CDK19: variants seen among roughly 807,000 people sequenced by gnomAD.
CDK19 encodes cyclin dependent kinase 19, also known as cyclin-dependent kinase 19.
CDK19 carries 20 observed loss-of-function variants against 68.3 expected under a neutral mutation model. The ratio of observed to expected loss-of-function variants is 0.29; its 90% CI spans 0.21 to 0.43. CDK19 has a LOEUF of 0.43. Ranked by LOEUF, CDK19 falls within the 20% of genes least tolerant of loss-of-function variation. The probability of loss-of-function intolerance (pLI) is 1.00; values close to 1 mark genes in which losing one functional copy is unlikely to be tolerated. For missense variants in CDK19, 339 were observed against 623.5 expected (o/e 0.54, Z 4.86); for synonymous variants, 221 against 222.8 (o/e 0.99, Z 0.07).
intron 1 of CDK19, among the ~76,000 whole-genome samples, chr6:110,784,128 C>T (rs1781023963): frequency 7.8e-6 from 1 of 129,018 alleles, no homozygotes; most frequent in South Asian, 2.6e-4. Flanking sequence ...CACTGCATTC[C>T]AGCTTGAGTG....
At chr6:110,762,547 T>C (rs554830195) in intron 1 of CDK19, among the ~76,000 whole-genome samples, 2 of 152,352 alleles carry the variant, frequency 1.3e-5, no homozygotes, top group African/African-American at 2.4e-5. Flanking sequence ...TATACCTTCA[T>C]ATTATCGTTT....
chr6:110,697,877 T>C (rs1016505819), intron 2 of CDK19, among the ~76,000 whole-genome samples: 1 of 152,130 alleles, frequency 6.6e-6, no homozygotes, highest in Non-Finnish European at 1.5e-5. Flanking sequence ...TACAGTCAAC[T>C]GATCTTCGAC....
At chr6:110,655,222 C>T (rs1428389074) in intron 4 of CDK19, among the ~76,000 whole-genome samples, 2 of 151,534 alleles carry the variant, frequency 1.3e-5, no homozygotes, top group Non-Finnish European at 2.9e-5. Context: ...AAAAATCAGT[C>T]GGGCATGGTG....
intron 1 of CDK19, among the ~76,000 whole-genome samples, chr6:110,793,316 C>A (rs914041730): frequency 5.9e-5 from 9 of 152,116 alleles, no homozygotes; most frequent in Admixed American, 2.0e-4. Context: ...TAATATGACT[C>A]TGTTCTCTTC....
intron 2 of CDK19, among the ~76,000 whole-genome samples, chr6:110,709,301 G>A (rs1248570531): frequency 6.6e-6 from 1 of 152,088 alleles, no homozygotes; most frequent in Non-Finnish European, 1.5e-5. Flanking sequence ...GTTCAACAGA[G>A]TGTGATATAC....
At chr6:110,764,994 G>T (rs1199116550) in intron 1 of CDK19, among the ~76,000 whole-genome samples, 1 of 70,422 alleles carries the variant, frequency 1.4e-5, no homozygotes, top group African/African-American at 5.0e-5. Context: ...AATTTTAGGG[G>T]ATAACATAGA....
rs1404396903 is a variant in CDK19 at position 110,815,126 on chromosome 6, T to C, written c.11A>G (p.Asp4Gly). MDYDFKAKLAAERE... is the reference protein window; with the variant it reads MDYGFKAKLAAERE... ...CTCCGCCGCCAGCTTCGCCTTGAAA[T>C]CATAATCCATTGTCTGCTTCCCCCA... Residue 4 changes from aspartate (D) to glycine (G), a missense_variant, in exon 1 of 13, where the codon GAT (aspartate) becomes GGT (glycine). Physicochemically the swap from Asp to Gly is moderately conservative, Grantham distance 94. Around this residue, in one of 4 missense-constraint regions of CDK19, gnomAD observed 120 missense variants for 224.0 expected, o/e 0.54. Transcript: ENST00000368911. The C allele has an allele frequency of 6.3e-7, 1 of 1,599,238 alleles. No homozygotes were observed.
At chr6:110,680,518 G>A (rs1033546265) in intron 2 of CDK19, among the ~76,000 whole-genome samples, 8 of 151,980 alleles carry the variant, frequency 5.3e-5, no homozygotes, top group Admixed American at 5.2e-4. Flanking sequence ...AAACAAAGAA[G>A]TTAACTTTCC....
intron 1 of CDK19, among the ~76,000 whole-genome samples, chr6:110,791,176 A>G (rs1279960634): frequency 1.3e-5 from 2 of 151,878 alleles, no homozygotes; most frequent in African/African-American, 4.8e-5. Context: ...GTCTCAAAAA[A>G]AAAAAAATTT....
At chr6:110,765,403 A>G (rs1779506371) in intron 1 of CDK19, among the ~76,000 whole-genome samples, 1 of 151,352 alleles carries the variant, frequency 6.6e-6, no homozygotes, top group Non-Finnish European at 1.5e-5. Flanking sequence ...AACAGGTCAG[A>G]CGCGGTGGCT....
rs58129614 is a variant in CDK19 at position 110,780,484 on chromosome 6, ATT to A, written c.129-34285_129-34284del. Among the ~76,000 whole-genome samples the A allele has an allele frequency of 4.6e-4, 70 of 150,690 alleles. 2 individuals carry two copies. The South Asian group carries it at 5.0e-3, about 11-fold the overall frequency. ...TATATATCAGAAGACATCAGAATTT[ATT>A]TTTTTTTATTTAAATTTATTTTAAG... On this transcript the variant is annotated intron_variant, in intron 1 of 12. Coordinates refer to ENST00000368911, the MANE Select transcript of CDK19 (RefSeq NM_015076.5).
chr6:110,700,355 T>A (rs1773886508), intron 2 of CDK19, among the ~76,000 whole-genome samples: 1 of 152,192 alleles, frequency 6.6e-6, no homozygotes, highest in Non-Finnish European at 1.5e-5. Flanking sequence ...AACCCCGGTA[T>A]GTGAAAAAAT....
chr6:110,731,869 G>A (rs1455299819), intron 2 of CDK19, among the ~76,000 whole-genome samples: 4 of 152,060 alleles, frequency 2.6e-5, no homozygotes, highest in African/African-American at 9.7e-5. Context: ...TCTTCATAAA[G>A]ACAAATGAGA....
intron 4 of CDK19, among the ~76,000 whole-genome samples, chr6:110,643,631 G>A (rs1305397927): frequency 6.6e-6 from 1 of 152,262 alleles, no homozygotes; most frequent in South Asian, 2.1e-4. Context: ...CAGGCTCATG[G>A]AACCCTACAG....
intron 5 of CDK19, among the ~76,000 whole-genome samples, chr6:110,634,503 C>T (rs1383214231): frequency 6.6e-6 from 1 of 152,338 alleles, no homozygotes; most frequent in South Asian, 2.1e-4. Context: ...CAGGCATGAG[C>T]CACTGAGCCC....
intron 1 of CDK19, among the ~76,000 whole-genome samples, chr6:110,764,984 A>AAATAAATAAATAAAG (rs1478455172): frequency 2.1e-5 from 1 of 46,976 alleles, no homozygotes; most frequent in South Asian, 7.5e-4. Flanking sequence ...AATAAATAAA[A>AAATAAATAAATAAAG]ATTTTAGGGG....
intron 4 of CDK19, among the ~76,000 whole-genome samples, chr6:110,660,517 T>G (rs1215606739): frequency 6.6e-6 from 1 of 152,160 alleles, no homozygotes; most frequent in African/African-American, 2.4e-5. Flanking sequence ...TTGTCCAGCA[T>G]CCAGGAGGAA....
intron 1 of CDK19, among the ~76,000 whole-genome samples, chr6:110,758,623 A>C (rs1384485028): frequency 6.6e-6 from 1 of 152,196 alleles, no homozygotes; most frequent in Non-Finnish European, 1.5e-5. Flanking sequence ...CACAGTAATA[A>C]GAAAATCTAG....
intron 1 of CDK19, among the ~76,000 whole-genome samples, chr6:110,747,640 T>C (rs1263512833): frequency 6.6e-6 from 1 of 152,244 alleles, no homozygotes. Flanking sequence ...TAATATTATA[T>C]TGCCTTTAAA....
Sources: allele counts gnomAD v4.1 joint callset (sites outside exome capture counted in the v4.1 genomes callset), GRCh38; gene constraint gnomAD v4.1.1; regional missense constraint gnomAD v4.1.1; transcripts MANE v1.5; gene names NCBI Gene and HGNC (gene_info 2026-07-23, HGNC 2026-07-21).